CSMD2: variants seen among roughly 807,000 people sequenced by gnomAD.
CSMD2 encodes CUB and sushi domain-containing protein 2.
CSMD2 carries 130 observed loss-of-function variants against 398.5 expected under a neutral mutation model. The ratio of observed to expected loss-of-function variants is 0.33; its 90% confidence interval spans 0.28 to 0.38. CSMD2 has a LOEUF of 0.38. CSMD2 is among the 10% of genes least tolerant of loss of function. CSMD2 has a pLI of 1.00. For missense variants in CSMD2, 3,829 were observed against 4,764.9 expected, an observed-to-expected ratio of 0.80 and a Z score of 5.78; for synonymous variants, 1,828 against 1,908.5, an observed-to-expected ratio of 0.96 and a Z score of 1.10.
At chr1:33,747,150 C>T (rs962714121) in intron 13 of CSMD2, among the ~76,000 whole-genome samples, 1 of 152,012 alleles carries the variant, frequency 6.6e-6, no homozygotes, top group Non-Finnish European at 1.5e-5. Context: ...ACAACAAACT[C>T]AAGTAGGATA....
chr1:33,625,000 G>A lies in CSMD2; in HGVS notation c.5500+51C>T. On this transcript the variant is annotated intron_variant, in intron 34 of 70. Transcript: ENST00000373381. This position sits in a 1 kb window ranked among gnomAD's most constrained non-coding sequence, Gnocchi z 4.7. The stretch of plus-strand genomic sequence containing the variant: ...GCTGACTGCCTCCCCTACAGAGAAA[G>A]GACTACGTGCCGCCCCCCGCACCCT... The A allele has an allele frequency of 6.4e-7, 1 of 1,567,958 alleles. No individual in the cohort carries two copies. Among genetic ancestry groups the A allele is most frequent in the Non-Finnish European group, 8.8e-7 (1 of 1,139,812 alleles).
At chr1:33,946,845 G>A (rs187580335) in intron 3 of CSMD2, among the ~76,000 whole-genome samples, 1 of 151,614 alleles carries the variant, frequency 6.6e-6, no homozygotes, top group African/African-American at 2.4e-5. Context: ...GTGTTAGCTA[G>A]GCTGGTCTCC....
chr1:33,526,907 C>T (rs1343752083), intron 65 of CSMD2, among the ~76,000 whole-genome samples: 1 of 152,222 alleles, frequency 6.6e-6, no homozygotes, highest in Non-Finnish European at 1.5e-5. Context: ...TGACCACACA[C>T]TGGCCAGTCC....
chr1:33,788,118 C>A (rs1653754294), intron 12 of CSMD2, among the ~76,000 whole-genome samples: 1 of 152,072 alleles, frequency 6.6e-6, no homozygotes, highest in Non-Finnish European at 1.5e-5. Flanking sequence ...AGATAATCCT[C>A]AAAACAACCA....
chr1:33,565,399 G>A (rs187409194), intron 53 of CSMD2, among the ~76,000 whole-genome samples: 3 of 151,778 alleles, frequency 2.0e-5, no homozygotes, highest in East Asian at 1.9e-4. Flanking sequence ...AGAAAAACAC[G>A]CAAACAAACA....
chr1:34,119,148 G>T (rs1311483758), intron 1 of CSMD2, among the ~76,000 whole-genome samples: 1 of 152,138 alleles, frequency 6.6e-6, no homozygotes, highest in Admixed American at 6.5e-5. Context: ...TTTGACAAGG[G>T]TGTCAAACCT....
At chr1:33,988,969 A>G (rs1390681709) in intron 3 of CSMD2, among the ~76,000 whole-genome samples, 1 of 143,202 alleles carries the variant, frequency 7.0e-6, no homozygotes, top group African/African-American at 2.6e-5. Context: ...AAACAAGAGA[A>G]AACCTTCATG....
chr1:33,661,834 AC>A (rs974453033), intron 26 of CSMD2, among the ~76,000 whole-genome samples: 9 of 151,966 alleles, frequency 5.9e-5, no homozygotes, highest in Non-Finnish European at 1.3e-4. Flanking sequence ...TACCCCAACC[AC>A]CCTTAGCTGA....
chr1:33,661,252 G>A (rs911233459), intron 26 of CSMD2, among the ~76,000 whole-genome samples: 1 of 152,196 alleles, frequency 6.6e-6, no homozygotes, highest in Non-Finnish European at 1.5e-5. Flanking sequence ...AAATATGTCT[G>A]GCTTTAATTA....
At chr1:33,685,939 C>G (rs774694589) in intron 25 of CSMD2, among the ~76,000 whole-genome samples, 5 of 152,190 alleles carry the variant, frequency 3.3e-5, no homozygotes, top group Non-Finnish European at 7.3e-5. Context: ...GTAATCATTG[C>G]ATATTTTGTT....
intron 12 of CSMD2, 82 bp downstream of exon 12, chr1:33,788,518 A>AG (rs1325727435): frequency 6.0e-6 from 5 of 834,630 alleles, no homozygotes; most frequent in Non-Finnish European, 9.8e-6. Context: ...AAAAAAAAAA[A>AG]AAAAAAAAAT....
intron 5 of CSMD2, among the ~76,000 whole-genome samples, chr1:33,917,106 G>A (rs1249969427): frequency 6.6e-6 from 1 of 152,074 alleles, no homozygotes; most frequent in Non-Finnish European, 1.5e-5. Context: ...AGCCCCGCCA[G>A]ACCTGGCCGG....
rs1442147352 is a variant in CSMD2, at chr1:33,725,363, T to C, written c.2681A>G (p.Gln894Arg). Reference protein sequence around the residue: ...TDKSHSDIGFQLRYETITLQS... With the variant: ...TDKSHSDIGFRLRYETITLQS... ...CTGAGACTCACTCTCATAGCGGAGC[T>C]GGAAGCCGATGTCCGAGTGACTCTT... The change falls in exon 17 of 71, where the codon CAG becomes CGG. Residue 894 changes from glutamine to arginine, a missense_variant. Gln to Arg is a conservative substitution (Grantham distance 43). Transcript: ENST00000373381. The C allele has an allele frequency of 1.2e-6, 2 of 1,613,784 alleles. No individual in the cohort carries two copies. Among genetic ancestry groups the C allele is most frequent in the Non-Finnish European group, 8.5e-7 (1 of 1,179,874 alleles).
intron 2 of CSMD2, among the ~76,000 whole-genome samples, chr1:34,034,523 T>C (rs372311212): frequency 3.3e-5 from 5 of 152,168 alleles, no homozygotes; most frequent in African/African-American, 1.2e-4. Flanking sequence ...TATCGCCAGA[T>C]AGATATAAAT....
chr1:34,023,861 T>A (rs1265279383), intron 3 of CSMD2, among the ~76,000 whole-genome samples: 1 of 152,206 alleles, frequency 6.6e-6, no homozygotes, highest in Non-Finnish European at 1.5e-5. Flanking sequence ...TCAAACTTGA[T>A]CTCCAGAAAC....
chr1:33,542,201 C>T (rs1370144024), intron 58 of CSMD2, among the ~76,000 whole-genome samples: 1 of 152,216 alleles, frequency 6.6e-6, no homozygotes, highest in Non-Finnish European at 1.5e-5. Flanking sequence ...ACTGGGACTA[C>T]CCTTGAGAGA....
At chr1:33,527,724 A>T (rs997107584) in intron 64 of CSMD2, among the ~76,000 whole-genome samples, 3 of 152,196 alleles carry the variant, frequency 2.0e-5, no homozygotes, top group Non-Finnish European at 4.4e-5. Flanking sequence ...TGTTGTCTAC[A>T]TTCCAAATTA....
chr1:33,908,889 G>A (rs1460626746), intron 5 of CSMD2, among the ~76,000 whole-genome samples: 1 of 152,202 alleles, frequency 6.6e-6, no homozygotes, highest in Non-Finnish European at 1.5e-5. Context: ...GTTATTTATG[G>A]CTTGGCTCCT....
chr1:33,585,062 C>T (rs751065646), intron 46 of CSMD2, among the ~76,000 whole-genome samples: 7 of 152,130 alleles, frequency 4.6e-5, no homozygotes, highest in African/African-American at 7.2e-5. Context: ...GTTTGGGTTG[C>T]GGACGCCAAA....
Sources: allele counts gnomAD v4.1 joint callset (sites outside exome capture counted in the v4.1 genomes callset), GRCh38; gene constraint gnomAD v4.1.1; non-coding constraint Gnocchi (gnomAD v3.1); transcripts MANE v1.5; gene names NCBI Gene and HGNC (gene_info 2026-07-23, HGNC 2026-07-21).